CCDC80: variants seen among roughly 807,000 people sequenced by gnomAD.
The protein encoded by CCDC80 is coiled-coil domain-containing protein 80.
CCDC80 carries 49 observed loss-of-function variants against 78.7 expected under a neutral mutation model. The observed-to-expected ratio is 0.62, with a 90% CI of 0.50 to 0.79. The LOEUF (loss-of-function observed/expected upper bound fraction) is 0.79. CCDC80 is among the 30% of genes least tolerant of loss of function. The pLI is 0.00. For synonymous variants in CCDC80, 488 were observed against 447.0 expected (o/e 1.09, Z -1.16); for missense variants, 1,205 against 1,198.6 (o/e 1.01, Z -0.08).
Position 112,616,816 on chromosome 3 carries a change from G to A in CCDC80, c.2215C>T (p.Leu739=), listed in dbSNP as rs775457969. 4.3e-6 allele frequency: 7 copies of A among 1,613,960 alleles called. No homozygotes were observed. Among genetic ancestry groups the A allele is most frequent in the African/African-American group, 2.7e-5 (2 of 74,922 alleles). The change falls in exon 5 of 8, where the codon CTG becomes TTG. Residue 739 remains leucine, a synonymous_variant. Coordinates refer to ENST00000206423, the MANE Select transcript of CCDC80 (RefSeq NM_199511.3). ...ATTCGGGACTGGAAAGTATCGATCA[G>A]ATCAAACACAGACTTCATTGTTATT... is the stretch of plus-strand genomic sequence containing the variant. ...VPITMKSVFD[L]IDTFQSRIKD...
chr3:112,621,540 G>A (rs887758711), intron 3 of CCDC80, among the ~76,000 whole-genome samples: 10 of 152,196 alleles, frequency 6.6e-5, no homozygotes, highest in Admixed American at 4.6e-4. Context: ...TACTGTATGT[G>A]CCACTAAGGT....
intron 2 of CCDC80, among the ~76,000 whole-genome samples, chr3:112,636,367 C>T (rs1936208364): frequency 6.6e-6 from 1 of 152,148 alleles, no homozygotes; most frequent in African/African-American, 2.4e-5. Context: ...TATATAGACA[C>T]ATTAAGGCTC....
Position 112,639,544 on chromosome 3 carries a change from T to A in CCDC80, c.362A>T (p.Glu121Val). ...CATTCTTGACCGAGCTGAGGACCCC[T>A]CATCTCTGATCATCTCACGCGGAGA... ...RGSPREMIRD[E>V]GSSARSRMLR... The change falls in exon 2 of 8, where the codon GAG becomes GTG. Residue 121 changes from glutamate (E) to valine (V), a missense_variant. Transcript: ENST00000206423. 3 of 1,614,134 alleles carry A rather than the reference T, an allele frequency of 1.9e-6. No homozygotes were observed. Among genetic ancestry groups the A allele is most frequent in the Non-Finnish European group, 2.5e-6 (3 of 1,180,036 alleles).
rs972019888 is a variant in CCDC80, at chr3:112,599,673, C to T, written c.*5744G>A. Reference sequence around the variant, plus strand: ...ATTCACCCTACTCTCGGGCTGCTTCCATCCTCCAGGCTTCTAGAAGTTGAG... The same window carrying T: ...ATTCACCCTACTCTCGGGCTGCTTCTATCCTCCAGGCTTCTAGAAGTTGAG... On this transcript the variant is annotated 3_prime_UTR_variant, in exon 8 of 8. Coordinates refer to ENST00000206423, the MANE Select transcript of CCDC80 (RefSeq NM_199511.3). 1 of 152,294 alleles carries T rather than the reference C, an allele frequency of 6.6e-6. No individual in the cohort carries two copies. The highest frequency in any genetic ancestry group is 2.4e-5 in the African/African-American group (1 of 41,434). 9.4% of individuals were successfully genotyped at this position (152,294 alleles called of 1,614,324 possible).
At position 112,640,645 on chromosome 3, in the gene CCDC80, C is replaced by T. The variant is rs1258379176; in HGVS notation, c.-330G>A. On this transcript the variant is annotated 5_prime_UTR_variant, in exon 1 of 8. Coordinates refer to ENST00000206423, the MANE Select transcript of CCDC80 (RefSeq NM_199511.3). ...CATTTGTCTGCAGTTTCTCCTCGGT[C>T]TCGTGTGTCTGTGTGTGCCAGTCCC... is the stretch of plus-strand genomic sequence containing the variant. 1 of 152,358 alleles carries T rather than the reference C, an allele frequency of 6.6e-6. No homozygotes were observed. The highest frequency in any genetic ancestry group is 1.5e-5 in the Non-Finnish European group (1 of 68,162). The allele number at this position is 152,358 out of a possible 1,614,324, so 9.4% of individuals were successfully genotyped here. A position where few individuals can be genotyped will look rare whatever the true frequency, so the allele number is the denominator to read the frequency against.
Position 112,598,646 on chromosome 3 carries a change from C to T in CCDC80, c.*6771G>A, listed in dbSNP as rs1377800716. The T allele has an allele frequency of 2.0e-5, 3 of 152,290 alleles. No homozygotes were observed. The highest frequency in any genetic ancestry group is 7.2e-5 in the African/African-American group (3 of 41,440). 9.4% of individuals were successfully genotyped at this position (152,290 alleles called of 1,614,324 possible). On this transcript the variant is annotated 3_prime_UTR_variant, in exon 8 of 8. Transcript: ENST00000206423. ...CACTGACATTTAAGCTCTGTGCGGT[C>T]TGCTCAGGGGCTGCCCAGTTTGTCC...
At chr3:112,614,039 G>A (rs1213948647) in intron 5 of CCDC80, among the ~76,000 whole-genome samples, 1 of 152,072 alleles carries the variant, frequency 6.6e-6, no homozygotes, top group Non-Finnish European at 1.5e-5. Flanking sequence ...GCAGTTTTTA[G>A]AACATCTGAG....
At chr3:112,608,164 A>AG (rs1237205592) in intron 6 of CCDC80, among the ~76,000 whole-genome samples, 1 of 152,222 alleles carries the variant, frequency 6.6e-6, no homozygotes, top group African/African-American at 2.4e-5. Flanking sequence ...AGGAGGACAA[A>AG]GGGGCTGTCA....
intron 3 of CCDC80, among the ~76,000 whole-genome samples, chr3:112,623,802 C>A (rs1200564611): frequency 6.6e-6 from 1 of 152,110 alleles, no homozygotes; most frequent in Non-Finnish European, 1.5e-5. Context: ...GCCCTCTCTT[C>A]CTGGAATGCT....
At chr3:112,616,610 T>G (rs1002608111) in intron 5 of CCDC80, 100 bp downstream of exon 5, 4 of 1,357,706 alleles carry the variant, frequency 2.9e-6, no homozygotes, top group Non-Finnish European at 4.1e-6. Flanking sequence ...AGGATTACTC[T>G]CTGTAAACAC....
chr3:112,612,342 G>A (rs893823798), intron 5 of CCDC80, among the ~76,000 whole-genome samples: 2 of 152,024 alleles, frequency 1.3e-5, no homozygotes, highest in Non-Finnish European at 2.9e-5. Context: ...TTTTGGGTGA[G>A]GTCTATTTTG....
Position 112,605,461 on chromosome 3 carries a change from C to A in CCDC80, c.2809G>T (p.Asp937Tyr). Residue 937 changes from aspartate (D) to tyrosine (Y), a missense_variant, in exon 8 of 8, where the codon GAC becomes TAC. Physicochemically the swap from Asp to Tyr is radical, Grantham distance 160. Coordinates refer to ENST00000206423, the MANE Select transcript of CCDC80 (RefSeq NM_199511.3). ...HQGYQDGYQD[D>Y]YRHHESYHHG... ...TGATAACTCTCATGATGACGGTAGT[C>A]ATCCTGGTAACCATCCTGGTATCCT... The A allele has an allele frequency of 6.2e-7, 1 of 1,614,058 alleles. No individual in the cohort carries two copies. The highest frequency in any genetic ancestry group is 1.1e-5 in the South Asian group (1 of 91,046).
chr3:112,612,060 TTA>T (rs1491460955), intron 5 of CCDC80, among the ~76,000 whole-genome samples: 2 of 144,720 alleles, frequency 1.4e-5, no homozygotes, highest in African/African-American at 2.5e-5. Flanking sequence ...TTTTTTTTTT[TTA>T]AAAAGGGAAA....
chr3:112,620,667 A>G lies in CCDC80; in HGVS notation c.2036-1563T>C, dbSNP rs539380694. 2.6e-5 allele frequency among the ~76,000 whole-genome samples: 4 copies of G among 152,258 alleles called. No homozygotes were observed. In the East Asian group the frequency reaches 5.8e-4, roughly 22 times the overall value. On this transcript the variant is annotated intron_variant, in intron 3 of 7. Coordinates refer to ENST00000206423, the MANE Select transcript of CCDC80 (RefSeq NM_199511.3). The stretch of plus-strand genomic sequence containing the variant: ...AAAACTTTTATTGTTTACTCTGCAT[A>G]CCTATGTTATTCAAATTTTAACAAG...
At chr3:112,640,085 G>C (rs1936313088) in intron 1 of CCDC80, 169 bp from the exon 2 acceptor site, 1 of 748,448 alleles carries the variant, frequency 1.3e-6, no homozygotes, top group African/African-American at 1.9e-5. Context: ...AATGGGATGA[G>C]ATCCTGTTAC....
At position 112,638,175 on chromosome 3, in the gene CCDC80, C is replaced by T. The variant is rs1936250755; in HGVS notation, c.1731G>A (p.Lys577=). ...KQMKKSEKKS[K]QEKEKSKKKK... is the part of the protein sequence containing the mutation. ...TCTTCTTGCTCTTCTCTTTCTCTTGCTTGCTCTTTTTCTCAGACTTCTTCA... is the reference window on the plus strand; with the variant it reads ...TCTTCTTGCTCTTCTCTTTCTCTTGTTTGCTCTTTTTCTCAGACTTCTTCA... The change falls in exon 2 of 8, where the codon AAG becomes AAA. Residue 577 remains lysine, a synonymous_variant. Coordinates refer to ENST00000206423, the MANE Select transcript of CCDC80 (RefSeq NM_199511.3). 5 of 1,613,508 alleles carry T rather than the reference C, an allele frequency of 3.1e-6. No homozygotes were observed. The highest frequency in any genetic ancestry group is 1.7e-5 in the Admixed American group (1 of 59,990).
chr3:112,623,544 T>C (rs1386986564), intron 3 of CCDC80, among the ~76,000 whole-genome samples: 1 of 152,182 alleles, frequency 6.6e-6, no homozygotes, highest in Admixed American at 6.5e-5. Context: ...GAGTGCTTGT[T>C]AAAATTACAA....
At chr3:112,617,823 T>C (rs1935782656) in intron 4 of CCDC80, among the ~76,000 whole-genome samples, 1 of 152,248 alleles carries the variant, frequency 6.6e-6, no homozygotes, top group Non-Finnish European at 1.5e-5. Context: ...AACATTTTGA[T>C]AAGTTGTTTT....
At chr3:112,632,192 C>T (rs571813456) in intron 2 of CCDC80, among the ~76,000 whole-genome samples, 11 of 151,986 alleles carry the variant, frequency 7.2e-5, no homozygotes, top group Admixed American at 2.0e-4. Context: ...AGCGCAGATA[C>T]CAAAGTTTTA....
Sources: gnomAD v4.1 joint callset for allele counts (sites outside exome capture counted in the v4.1 genomes callset) on GRCh38, gnomAD v4.1.1 for gene constraint, MANE v1.5 for transcripts, NCBI Gene and HGNC (gene_info 2026-07-23, HGNC 2026-07-21) for gene names.